The following CWC27 variants were observed in gnomAD, a reference collection of about 807,000 sequenced individuals.
CWC27 encodes the protein spliceosome-associated protein CWC27 homolog.
CWC27 carries 47 observed loss-of-function variants against 63.6 expected under a neutral mutation model. That is an observed-to-expected ratio of 0.74 (90% CI 0.58 to 0.94). The LOEUF is 0.94. Among genes scored for constraint, CWC27 ranks in the 40% least tolerant of loss-of-function variants. The pLI, the probability that CWC27 is intolerant of heterozygous loss-of-function variation, is 0.00. For missense variants in CWC27, 495 were observed against 554.3 expected, an observed-to-expected ratio of 0.89 and a Z score of 1.07; for synonymous variants, 175 against 179.8, an observed-to-expected ratio of 0.97 and a Z score of 0.22.
chr5:64,948,882 A>G (rs1390295449), intron 11 of CWC27, among the ~76,000 whole-genome samples: 1 of 152,020 alleles, frequency 6.6e-6, no homozygotes, highest in Non-Finnish European at 1.5e-5. Flanking sequence ...TTCATGCTTC[A>G]TCTCTGTAAC....
intron 10 of CWC27, among the ~76,000 whole-genome samples, chr5:64,877,062 G>C (rs1037217779): frequency 6.6e-6 from 1 of 151,764 alleles, no homozygotes; most frequent in Non-Finnish European, 1.5e-5. Context: ...CCCTCTACTG[G>C]ATATTATTTA....
intron 8 of CWC27, among the ~76,000 whole-genome samples, chr5:64,800,637 T>C (rs975626267): frequency 1.1e-4 from 16 of 152,228 alleles, no homozygotes; most frequent in African/African-American, 3.9e-4. Context: ...GTTGTTTTGC[T>C]ACCTTTTCCT....
Position 64,844,923 on chromosome 5 carries a change from G to T in CWC27, c.939-40520G>T, listed in dbSNP as rs573527906. 93 of 456,692 alleles carry T rather than the reference G, an allele frequency of 2.0e-4. 2 individuals are homozygous for T. In the Middle Eastern group the frequency reaches 7.2e-3, roughly 35 times the overall value. The allele number at this position is 456,692 out of a possible 1,614,324, so 28.3% of individuals were successfully genotyped here. The stretch of plus-strand genomic sequence containing the variant: ...GCTTCTGGTATTTCTCCTCTCCCAG[G>T]AAATTACTCTGCCTAACCTTGGAGC... On this transcript the variant is annotated intron_variant, in intron 10 of 13. Coordinates refer to ENST00000381070, the MANE Select transcript of CWC27 (RefSeq NM_005869.4).
At chr5:65,016,619 C>T (rs2968208) in intron 13 of CWC27, among the ~76,000 whole-genome samples, 131,351 of 152,178 alleles carry the variant, frequency 0.86, 56,847 homozygotes, top group African/African-American at 0.93. Flanking sequence ...AAGGTAGAAA[C>T]GGTACATAAG....
chr5:64,853,803 C>T (rs1287145885), intron 10 of CWC27, among the ~76,000 whole-genome samples: 1 of 152,212 alleles, frequency 6.6e-6, no homozygotes, highest in African/African-American at 2.4e-5. Flanking sequence ...ACCTTCAAAA[C>T]TGGGGATGAC....
chr5:64,861,440 G>A (rs1746410463), intron 10 of CWC27, among the ~76,000 whole-genome samples: 1 of 151,706 alleles, frequency 6.6e-6, no homozygotes, highest in Non-Finnish European at 1.5e-5. Flanking sequence ...ACTATACAAG[G>A]GTATGAATCA....
intron 11 of CWC27, among the ~76,000 whole-genome samples, chr5:64,951,289 A>C (rs975136356): frequency 6.6e-6 from 1 of 151,858 alleles, no homozygotes; most frequent in Non-Finnish European, 1.5e-5. Context: ...ATGGTATTTC[A>C]ATGTGGTTTT....
At chr5:64,874,161 T>G (rs1403589787) in intron 10 of CWC27, among the ~76,000 whole-genome samples, 1 of 134,012 alleles carries the variant, frequency 7.5e-6, no homozygotes, top group African/African-American at 2.8e-5. Flanking sequence ...ATGCTTTTTT[T>G]TTTTTTTTTT....
intron 10 of CWC27, among the ~76,000 whole-genome samples, chr5:64,814,262 C>T (rs1367138294): frequency 6.6e-6 from 1 of 151,996 alleles, no homozygotes; most frequent in East Asian, 1.9e-4. Flanking sequence ...TTTAGTTCTT[C>T]CTTTGAACTA....
At chr5:64,898,583 A>G (rs894905316) in intron 11 of CWC27, among the ~76,000 whole-genome samples, 4 of 152,134 alleles carry the variant, frequency 2.6e-5, no homozygotes, top group Admixed American at 2.0e-4. Flanking sequence ...TGCTACGTAC[A>G]AGGAGTGTCA....
chr5:64,994,925 C>A (rs979939078), intron 13 of CWC27, among the ~76,000 whole-genome samples: 2 of 151,914 alleles, frequency 1.3e-5, no homozygotes, highest in African/African-American at 4.8e-5. Flanking sequence ...TGCTAACTGG[C>A]CATTTATATT....
intron 11 of CWC27, among the ~76,000 whole-genome samples, chr5:64,948,445 T>TA (rs1748636432): frequency 6.6e-6 from 1 of 151,894 alleles, no homozygotes; most frequent in African/African-American, 2.4e-5. Flanking sequence ...GTACTAACCG[T>TA]ATATATATGT....
At chr5:64,812,682 C>G (rs1744911356) in intron 10 of CWC27, among the ~76,000 whole-genome samples, 1 of 152,060 alleles carries the variant, frequency 6.6e-6, no homozygotes, top group Non-Finnish European at 1.5e-5. Flanking sequence ...ACCAATCATT[C>G]TATTCTCAAA....
In CWC27 at chr5:64,873,047, C is replaced by G. The variant is rs1344889978; in HGVS notation, c.939-12396C>G. The stretch of plus-strand genomic sequence containing the variant: ...CAGTTTTTCATGAAAATGATGCCTA[C>G]TCAGTATAAAAAATTAAGGCAATAG... On this transcript the variant is annotated intron_variant, in intron 10 of 13. Transcript: ENST00000381070. Among the ~76,000 whole-genome samples, 9 of 152,102 alleles carry G rather than the reference C, an allele frequency of 5.9e-5. No individual in the cohort carries two copies. The South Asian group carries it at 8.3e-4, about 14-fold the overall frequency.
chr5:64,926,759 CAG>C (rs1232459738), intron 11 of CWC27, among the ~76,000 whole-genome samples: 1 of 152,116 alleles, frequency 6.6e-6, no homozygotes, highest in Non-Finnish European at 1.5e-5. Context: ...ACTTTCTTCC[CAG>C]ACAGTGCTAT....
At chr5:64,957,309 G>A (rs1047943955) in intron 11 of CWC27, among the ~76,000 whole-genome samples, 3 of 151,736 alleles carry the variant, frequency 2.0e-5, no homozygotes, top group South Asian at 4.2e-4. Context: ...GCTACAACAC[G>A]GGGTACATAA....
intron 13 of CWC27, among the ~76,000 whole-genome samples, chr5:65,000,458 G>T (rs778697983): frequency 6.6e-6 from 1 of 151,938 alleles, no homozygotes; most frequent in Non-Finnish European, 1.5e-5. Context: ...TATAGTTTCA[G>T]GTCTTATATT....
chr5:65,006,990 GAAA>G (rs1749855382), intron 13 of CWC27, among the ~76,000 whole-genome samples: 1 of 148,798 alleles, frequency 6.7e-6, no homozygotes, highest in Non-Finnish European at 1.5e-5. Flanking sequence ...AAGAAAGAAA[GAAA>G]GAAAGAAAGA....
intron 11 of CWC27, among the ~76,000 whole-genome samples, chr5:64,908,185 T>G (rs1398002710): frequency 6.6e-6 from 1 of 152,206 alleles, no homozygotes; most frequent in Admixed American, 6.5e-5. Flanking sequence ...TTCCATGTAG[T>G]TGTGTGGTTT....
Sources: allele counts gnomAD v4.1 joint callset (sites outside exome capture counted in the v4.1 genomes callset), GRCh38; gene constraint gnomAD v4.1.1; transcripts MANE v1.5; gene names NCBI Gene and HGNC (gene_info 2026-07-23, HGNC 2026-07-21).